The following EXPH5 variants were observed in gnomAD, a reference collection of about 807,000 sequenced individuals.
EXPH5 encodes exophilin 5.
In EXPH5, 42 loss-of-function variants were observed where a neutral mutation model predicts 41.1. The ratio of observed to expected loss-of-function variants is 1.02; its 90% confidence interval spans 0.80 to 1.32. The LOEUF (loss-of-function observed/expected upper bound fraction) is 1.32. Ranked by LOEUF, EXPH5 falls within the 40% of genes most tolerant of loss-of-function variation. The pLI, the probability that EXPH5 is intolerant of heterozygous loss-of-function variation, is 0.00. For synonymous variants in EXPH5, 798 were observed against 833.5 expected (o/e 0.96, Z 0.73); for missense variants, 2,298 against 2,314.5 (o/e 0.99, Z 0.15).
At chr11:108,566,202 G>A in intron 1 of EXPH5, among the ~76,000 whole-genome samples, 1 of 152,250 alleles carries the variant, frequency 6.6e-6, no homozygotes, top group Non-Finnish European at 1.5e-5. Flanking sequence ...AAGAATTCAT[G>A]AAGACAGGCC....
chr11:108,605,035 G>A, the EXPH5 span, among the ~76,000 whole-genome samples: 1 of 152,172 alleles, frequency 6.6e-6, no homozygotes, highest in African/African-American at 2.4e-5. Flanking sequence ...ACAGGAGGGA[G>A]ATTCCCTAAG....
intron 4 of EXPH5, among the ~76,000 whole-genome samples, chr11:108,519,031 T>C (rs1313033092): frequency 6.6e-6 from 1 of 152,206 alleles, no homozygotes; most frequent in African/African-American, 2.4e-5. Flanking sequence ...ATCATAAAAA[T>C]GGGCAACCAG....
At chr11:108,562,345 C>T (rs554014476) in intron 1 of EXPH5, among the ~76,000 whole-genome samples, 2 of 146,648 alleles carry the variant, frequency 1.4e-5, no homozygotes, top group Admixed American at 1.4e-4. Context: ...ATAATCGCAG[C>T]ACTTTGGGAG....
At chr11:108,553,685 T>C (rs1220993661) in intron 1 of EXPH5, among the ~76,000 whole-genome samples, 1 of 152,170 alleles carries the variant, frequency 6.6e-6, no homozygotes, top group Non-Finnish European at 1.5e-5. Context: ...CCTAGCATAG[T>C]CCCAGACTCA....
At chr11:108,542,542 T>A (rs2093918263) in intron 1 of EXPH5, among the ~76,000 whole-genome samples, 1 of 152,202 alleles carries the variant, frequency 6.6e-6, no homozygotes, top group Non-Finnish European at 1.5e-5. Flanking sequence ...TTCATTCACT[T>A]GTTAATTCAT....
At chr11:108,516,653 AT>A (rs1470294315) in intron 5 of EXPH5, among the ~76,000 whole-genome samples, 48 of 152,230 alleles carry the variant, frequency 3.2e-4, no homozygotes, top group African/African-American at 1.2e-3. Flanking sequence ...TGCTAAAGGG[AT>A]TTAAAAAAAT....
At chr11:108,550,662 C>T (rs909175701) in intron 1 of EXPH5, among the ~76,000 whole-genome samples, 2 of 151,962 alleles carry the variant, frequency 1.3e-5, no homozygotes, top group Non-Finnish European at 2.9e-5. Flanking sequence ...GCTTGTAATC[C>T]CAGCTACTCG....
chr11:108,547,715 T>C (rs2640773), intron 1 of EXPH5, among the ~76,000 whole-genome samples: 88,181 of 152,154 alleles, frequency 0.58, 28,654 homozygotes, highest in East Asian at 0.74. Context: ...TAATAAAATA[T>C]GTTACATTTC....
intron 4 of EXPH5, among the ~76,000 whole-genome samples, chr11:108,522,347 A>T (rs1275626851): frequency 6.6e-6 from 1 of 152,166 alleles, no homozygotes; most frequent in Non-Finnish European, 1.5e-5. Flanking sequence ...AACATTGATT[A>T]TTCTAGGCAA....
At chr11:108,527,734 A>G (rs2093809511) in intron 4 of EXPH5, among the ~76,000 whole-genome samples, 1 of 152,186 alleles carries the variant, frequency 6.6e-6, no homozygotes, top group Admixed American at 6.5e-5. Context: ...CATCTCACCT[A>G]TGAGAGGCTT....
chr11:108,548,128 A>C (rs2093947111), intron 1 of EXPH5, among the ~76,000 whole-genome samples: 1 of 151,626 alleles, frequency 6.6e-6, no homozygotes, highest in Non-Finnish European at 1.5e-5. Flanking sequence ...AAAAAAAAAA[A>C]AAAAAAAATC....
intron 1 of EXPH5, among the ~76,000 whole-genome samples, chr11:108,581,165 G>A (rs143161220): frequency 2.6e-5 from 4 of 152,166 alleles, no homozygotes; most frequent in East Asian, 1.9e-4. Context: ...TTAGCCAGGC[G>A]TGGTGGTGAG....
intron 1 of EXPH5, among the ~76,000 whole-genome samples, chr11:108,579,177 C>T (rs968841029): frequency 6.7e-6 from 1 of 149,460 alleles, no homozygotes; most frequent in African/African-American, 2.5e-5. Flanking sequence ...AGGTATGCTC[C>T]TTCTATATGC....
At chr11:108,522,210 A>G (rs2093769584) in intron 4 of EXPH5, among the ~76,000 whole-genome samples, 1 of 151,686 alleles carries the variant, frequency 6.6e-6, no homozygotes, top group African/African-American at 2.4e-5. Context: ...TTTTTAAAAA[A>G]GGAACTGTTA....
At chr11:108,538,152 C>T (rs1565806319) in intron 3 of EXPH5, 4 of 985,430 alleles carry the variant, frequency 4.1e-6, no homozygotes, top group Non-Finnish European at 1.2e-6. Flanking sequence ...CACAACCCAC[C>T]AGCTGCTTGC....
chr11:108,605,454 A>G, the EXPH5 span, among the ~76,000 whole-genome samples: 1 of 152,212 alleles, frequency 6.6e-6, no homozygotes, highest in East Asian at 1.9e-4. Context: ...TCATTTGCCA[A>G]TGTCTGGAGA....
At chr11:108,531,614 T>A (rs2093838279) in intron 3 of EXPH5, among the ~76,000 whole-genome samples, 1 of 152,194 alleles carries the variant, frequency 6.6e-6, no homozygotes, top group Non-Finnish European at 1.5e-5. Flanking sequence ...TTTCCATACC[T>A]TTATAGATAC....
intron 1 of EXPH5, chr11:108,567,939 A>G (rs1221329937): frequency 6.6e-6 from 1 of 152,200 alleles, no homozygotes; most frequent in Non-Finnish European, 1.5e-5. Context: ...TGGGTAGCAC[A>G]CAGTAGAATG....
At chr11:108,595,753 A>G (rs1293768238), upstream of EXPH5, among the ~76,000 whole-genome samples, 5 of 152,204 alleles carry the variant, frequency 3.3e-5, no homozygotes, top group African/African-American at 1.2e-4. Flanking sequence ...AGTAGTGAGA[A>G]AGAGGTTTAG....
Sources: gnomAD v4.1 joint callset for allele counts (sites outside exome capture counted in the v4.1 genomes callset) on GRCh38, gnomAD v4.1.1 for gene constraint, MANE v1.5 for transcripts, NCBI Gene and HGNC (gene_info 2026-07-23, HGNC 2026-07-21) for gene names.